The following NRXN3 variants were observed in gnomAD, a reference collection of about 807,000 sequenced individuals.
NRXN3 encodes neurexin III.
In NRXN3, 32 loss-of-function variants were observed where a neutral mutation model predicts 137.6. The observed-to-expected ratio is 0.23, with a 90% CI of 0.18 to 0.31. The LOEUF is 0.31. Among genes scored for constraint, NRXN3 ranks in the 10% least tolerant of loss-of-function variants. NRXN3 has a pLI of 1.00. For missense variants in NRXN3, 1,574 were observed against 2,062.5 expected (o/e 0.76, Z 4.59); for synonymous variants, 798 against 784.5 (o/e 1.02, Z -0.29).
At chr14:78,691,233 T>C (rs1347719543) in intron 6 of NRXN3, among the ~76,000 whole-genome samples, 1 of 152,174 alleles carries the variant, frequency 6.6e-6, no homozygotes, top group Non-Finnish European at 1.5e-5. Flanking sequence ...TTATTTGCTC[T>C]TGGGTTAAAT....
chr14:78,839,477 T>G (rs2099006009), intron 10 of NRXN3, among the ~76,000 whole-genome samples: 1 of 152,208 alleles, frequency 6.6e-6, no homozygotes, highest in African/African-American at 2.4e-5. Flanking sequence ...TTTTCCCCTT[T>G]TATGCTTTTC....
intron 15 of NRXN3, among the ~76,000 whole-genome samples, chr14:79,055,287 C>T (rs2099656537): frequency 1.3e-5 from 2 of 152,102 alleles, no homozygotes; most frequent in African/African-American, 4.8e-5. Flanking sequence ...CATTGAACAC[C>T]TACTGTTTGT....
intron 4 of NRXN3, among the ~76,000 whole-genome samples, chr14:78,642,396 A>G (rs2097644763): frequency 1.3e-5 from 2 of 152,246 alleles, no homozygotes; most frequent in Admixed American, 1.3e-4. Context: ...ATTAAGCACC[A>G]TGTAGCACAT....
chr14:78,585,119 A>C (rs2097048311), intron 4 of NRXN3, among the ~76,000 whole-genome samples: 1 of 141,074 alleles, frequency 7.1e-6, no homozygotes, highest in East Asian at 2.4e-4. Context: ...GGAGAAAAAT[A>C]AGAAGAAATA....
At chr14:78,969,613 G>A (rs552924813) in intron 14 of NRXN3, among the ~76,000 whole-genome samples, 4 of 152,160 alleles carry the variant, frequency 2.6e-5, no homozygotes, top group South Asian at 2.1e-4. Flanking sequence ...GCTCATCATC[G>A]TAAAGCACAC....
chr14:79,846,330 C>A (rs535344799), intron 20 of NRXN3, among the ~76,000 whole-genome samples: 1 of 152,114 alleles, frequency 6.6e-6, no homozygotes, highest in African/African-American at 2.4e-5. Context: ...AAAAATGTCC[C>A]ATGTAAAAAA....
intron 8 of NRXN3, among the ~76,000 whole-genome samples, chr14:78,759,011 C>G (rs2098681371): frequency 6.6e-6 from 1 of 152,174 alleles, no homozygotes; most frequent in Non-Finnish European, 1.5e-5. Context: ...AATTCATTTA[C>G]CTCCCTAGTT....
At chr14:79,549,796 A>T (rs1408337543) in intron 16 of NRXN3, among the ~76,000 whole-genome samples, 4 of 152,016 alleles carry the variant, frequency 2.6e-5, no homozygotes, top group Admixed American at 2.6e-4. Flanking sequence ...TGGCCCAGCA[A>T]ATCCCCAAAT....
At chr14:78,544,371 T>G (rs1366930175) in intron 4 of NRXN3, among the ~76,000 whole-genome samples, 1 of 152,206 alleles carries the variant, frequency 6.6e-6, no homozygotes, top group Non-Finnish European at 1.5e-5. Flanking sequence ...TTGATCCCTA[T>G]GTAGGTCACT....
At chr14:78,809,427 G>C (rs1010300980) in intron 9 of NRXN3, among the ~76,000 whole-genome samples, 1 of 152,200 alleles carries the variant, frequency 6.6e-6, no homozygotes, top group African/African-American at 2.4e-5. Flanking sequence ...TTCAGTCTGC[G>C]TATTCAGGCA....
chr14:79,448,414 G>C (rs1489931371), intron 15 of NRXN3, among the ~76,000 whole-genome samples: 1 of 152,070 alleles, frequency 6.6e-6, no homozygotes, highest in African/African-American at 2.4e-5. Flanking sequence ...TTTATTGTCT[G>C]CTATCATTAT....
chr14:79,615,045 G>C (rs572458383), intron 16 of NRXN3, among the ~76,000 whole-genome samples: 3 of 152,310 alleles, frequency 2.0e-5, no homozygotes, highest in Admixed American at 6.5e-5. Context: ...GCAATTAGGA[G>C]TGTAGGATTG....
intron 15 of NRXN3, among the ~76,000 whole-genome samples, chr14:79,231,709 C>T (rs1468824228): frequency 6.6e-6 from 1 of 152,130 alleles, no homozygotes; most frequent in Non-Finnish European, 1.5e-5. Context: ...AAGAACATCT[C>T]AATTTTGTCA....
chr14:78,584,703 C>A (rs543531248), intron 4 of NRXN3, among the ~76,000 whole-genome samples: 1 of 152,278 alleles, frequency 6.6e-6, no homozygotes, highest in South Asian at 2.1e-4. Flanking sequence ...ACCTCCTTCT[C>A]CTTAGAAACA....
intron 4 of NRXN3, among the ~76,000 whole-genome samples, chr14:78,584,260 A>T (rs1275544392): frequency 1.3e-5 from 2 of 152,200 alleles, no homozygotes; most frequent in African/African-American, 2.4e-5. Flanking sequence ...AAATTCATAT[A>T]AGAGCCATAC....
At chr14:78,853,571 A>G (rs901235966) in intron 10 of NRXN3, among the ~76,000 whole-genome samples, 5 of 152,186 alleles carry the variant, frequency 3.3e-5, no homozygotes, top group African/African-American at 7.2e-5. Context: ...TTTTATTACT[A>G]TAATATTTGT....
At chr14:78,233,235 T>G (rs1307224849) in intron 1 of NRXN3, among the ~76,000 whole-genome samples, 1 of 152,152 alleles carries the variant, frequency 6.6e-6, no homozygotes, top group Admixed American at 6.5e-5. Flanking sequence ...AGGAGAAGAA[T>G]AAAAAATTGA....
chr14:78,963,554 A>G (rs886173982), intron 11 of NRXN3, among the ~76,000 whole-genome samples: 1 of 152,120 alleles, frequency 6.6e-6, no homozygotes, highest in African/African-American at 2.4e-5. Context: ...AGAGCATGCA[A>G]ATTTAGATTA....
At chr14:79,147,317 G>C (rs1413638564) in intron 15 of NRXN3, among the ~76,000 whole-genome samples, 1 of 152,098 alleles carries the variant, frequency 6.6e-6, no homozygotes, top group Admixed American at 6.6e-5. Flanking sequence ...AATTTTCTCA[G>C]AGTAGCAATT....
Sources: gnomAD v4.1 joint callset for allele counts (sites outside exome capture counted in the v4.1 genomes callset) on GRCh38, gnomAD v4.1.1 for gene constraint, MANE v1.5 for transcripts, NCBI Gene and HGNC (gene_info 2026-07-23, HGNC 2026-07-21) for gene names.